Variants in JADE1 observed in about 807,000 individuals in gnomAD.
JADE1 encodes protein Jade-1.
Under a neutral mutation model 81.8 loss-of-function variants are expected in JADE1, and 14 were observed. The observed-to-expected ratio is 0.17, with a 90% confidence interval of 0.11 to 0.27. The LOEUF is 0.27. Among genes scored for constraint, JADE1 ranks in the 10% least tolerant of loss-of-function variants. JADE1 has a pLI of 1.00. For synonymous variants in JADE1, 353 were observed against 391.9 expected (o/e 0.90, Z 1.17); for missense variants, 690 against 1,047.9 (o/e 0.66, Z 4.71).
intron 1 of JADE1, among the ~76,000 whole-genome samples, chr4:128,817,909 C>G (rs1242603698): frequency 6.6e-6 from 1 of 152,252 alleles, no homozygotes; most frequent in East Asian, 1.9e-4. Flanking sequence ...AGTTAAAATG[C>G]CTGTTGAGAA....
rs1181752161 is a variant in JADE1 at position 128,873,058 on chromosome 4, C to T, written c.*796C>T. ...TCCACTTGACCTTCTTCTTCCCTAA[C>T]CACTGGCTCTTGAGCCAGCTTGGGA... is the stretch of plus-strand genomic sequence containing the variant. On this transcript the variant is annotated 3_prime_UTR_variant, in exon 11 of 11. Coordinates refer to ENST00000226319, the MANE Select transcript of JADE1 (RefSeq NM_199320.4). The T allele has an allele frequency of 2.7e-6, 1 of 365,096 alleles. No individual in the cohort carries two copies. The highest frequency in any genetic ancestry group is 5.6e-6 in the Non-Finnish European group (1 of 178,434). 22.6% of individuals were successfully genotyped at this position (365,096 alleles called of 1,614,324 possible).
intron 1 of JADE1, among the ~76,000 whole-genome samples, chr4:128,822,123 C>T (rs1017414196): frequency 5.9e-5 from 9 of 152,078 alleles, no homozygotes; most frequent in African/African-American, 2.2e-4. Context: ...GATGGTTGCT[C>T]GTTAGTTATA....
At chr4:128,841,118 C>T (rs1379342612) in intron 2 of JADE1, among the ~76,000 whole-genome samples, 1 of 152,232 alleles carries the variant, frequency 6.6e-6, no homozygotes, top group African/African-American at 2.4e-5. Flanking sequence ...TAAGAGCTTC[C>T]TGTCTGAGTG....
chr4:128,827,781 A>G (rs1728200862), intron 1 of JADE1: 1 of 677,574 alleles, frequency 1.5e-6, no homozygotes, highest in Non-Finnish European at 1.8e-6. Context: ...GCAAACCCAC[A>G]GGGCATATGG....
At chr4:128,864,732 C>A (rs1731656653) in intron 9 of JADE1, 1 of 381,960 alleles carries the variant, frequency 2.6e-6, no homozygotes. Context: ...ACAATCAAGG[C>A]ATATGATCAT....
Position 128,861,857 on chromosome 4 carries a change from G to A in JADE1, c.1135G>A (p.Gly379Ser), listed in dbSNP as rs947240474. The change falls in exon 9 of 11, where the codon GGC becomes AGC. Residue 379 changes from glycine (G) to serine (S), a missense_variant. Gly to Ser is a moderately conservative substitution (Grantham distance 56, BLOSUM62 0). This residue lies in a region of JADE1 where 77 missense variants were observed against 76.4 expected (regional missense o/e 1.01). Transcript: ENST00000226319. ...ACATAGGAAACCCGAGGAGAGTCTT[G>A]GCAAGGGGGCTGCACAGGAGAATGG... ...SSHRKPEESL[G>S]KGAAQENGAP... 1.7e-5 allele frequency: 27 copies of A among 1,614,054 alleles called. No individual in the cohort carries two copies. Among genetic ancestry groups the A allele is most frequent in the Non-Finnish European group, 2.2e-5 (26 of 1,180,026 alleles).
chr4:128,868,654 CCTCT>C lies in JADE1; in HGVS notation c.1621+684_1621+687del, dbSNP rs960377401. Among the ~76,000 whole-genome samples the C allele has an allele frequency of 5.3e-5, 8 of 152,186 alleles. 1 individual carries two copies. The highest frequency in any genetic ancestry group is 5.2e-4 in the Admixed American group (8 of 15,284). ...AGATCAAGTTGGGCAGGTTGTTTAA[CCTCT>C]CTGAGATTCCGTTGATCTTAAAGTT... On this transcript the variant is annotated intron_variant, in intron 10 of 10. Transcript: ENST00000226319.
intron 8 of JADE1, 50 bp from the exon 9 acceptor site, chr4:128,861,654 T>C (rs1731341395): frequency 1.3e-6 from 2 of 1,580,608 alleles, no homozygotes; most frequent in Non-Finnish European, 1.7e-6. Context: ...CCTTCTGCCA[T>C]CATTGCTCTA....
At chr4:128,814,530 A>G (rs1391588942) in intron 1 of JADE1, among the ~76,000 whole-genome samples, 1 of 151,920 alleles carries the variant, frequency 6.6e-6, no homozygotes, top group Admixed American at 6.6e-5. Flanking sequence ...TTTAATAAAA[A>G]TGAGATACAT....
chr4:128,841,339 C>T (rs189031729), intron 2 of JADE1, among the ~76,000 whole-genome samples: 110 of 152,180 alleles, frequency 7.2e-4, no homozygotes, highest in African/African-American at 2.5e-3. Context: ...GGCAGCAGTA[C>T]GGCACCCACA....
At chr4:128,855,947 G>A (rs2125876764) in intron 7 of JADE1, 150 bp downstream of exon 7, 5 of 582,864 alleles carry the variant, frequency 8.6e-6, no homozygotes, top group South Asian at 3.3e-5. Flanking sequence ...AGCCTTTTGA[G>A]TAGCTGAGAT....
chr4:128,847,853 G>A (rs1238441803), intron 4 of JADE1, among the ~76,000 whole-genome samples: 1 of 152,214 alleles, frequency 6.6e-6, no homozygotes, highest in East Asian at 1.9e-4. Context: ...CAGACTCTGG[G>A]CAGCCTGTTG....
intron 8 of JADE1, among the ~76,000 whole-genome samples, chr4:128,857,889 C>G (rs1403177621): frequency 6.6e-6 from 1 of 152,196 alleles, no homozygotes; most frequent in African/African-American, 2.4e-5. Flanking sequence ...TGGCGGCCTC[C>G]TGAGATTGCA....
rs550376697 is a variant in JADE1, at chr4:128,826,537, T to G, written c.-26-5196T>G. Among the ~76,000 whole-genome samples the G allele has an allele frequency of 2.5e-3, 382 of 151,612 alleles. 1 individual carries two copies. Among genetic ancestry groups the G allele is most frequent in the African/African-American group, 8.9e-3 (370 of 41,382 alleles). ...CACGCCTGGCTAATTTTTGTGTTTT[T>G]TTTTTTTTTTTCAGTAGAGACGGGG... On this transcript the variant is annotated intron_variant, in intron 1 of 10. Transcript: ENST00000226319.
chr4:128,871,938 C>A lies in JADE1; in HGVS notation c.2205C>A (p.Val735=). 1.9e-6 allele frequency: 3 copies of A among 1,613,956 alleles called. No individual in the cohort carries two copies. The highest frequency in any genetic ancestry group is 2.5e-6 in the Non-Finnish European group (3 of 1,179,966). ...AAGTAAACTATAATCAGACTGCAGTCAAAGTGCCTACAACACCTGCCAGCC... is the reference window on the plus strand; with the variant it reads ...AAGTAAACTATAATCAGACTGCAGTAAAAGTGCCTACAACACCTGCCAGCC... The part of the protein sequence containing the change: ...LIKVNYNQTA[V]KVPTTPASPV... Residue 735 remains valine (V), a synonymous_variant, in exon 11 of 11, where the codon GTC becomes GTA. Transcript: ENST00000226319. The surrounding 1 kb of genome is among the most constrained non-coding windows in gnomAD (Gnocchi z 4.1).
chr4:128,859,392 TGC>T (rs1731097496), intron 8 of JADE1, among the ~76,000 whole-genome samples: 1 of 152,150 alleles, frequency 6.6e-6, no homozygotes, highest in African/African-American at 2.4e-5. Flanking sequence ...TGAGTATGCA[TGC>T]GTGAGTGCGT....
At chr4:128,865,157 G>A (rs958379748) in intron 9 of JADE1, among the ~76,000 whole-genome samples, 3 of 152,252 alleles carry the variant, frequency 2.0e-5, no homozygotes, top group Admixed American at 6.5e-5. Context: ...AGTGGCTACA[G>A]TGTCCCCTGA....
At chr4:128,811,048 C>G (rs1726305437) in intron 1 of JADE1, among the ~76,000 whole-genome samples, 1 of 152,184 alleles carries the variant, frequency 6.6e-6, no homozygotes. Flanking sequence ...GTGCACGTGT[C>G]TTGTGCCTGT....
At chr4:128,860,733 A>G (rs915915978) in intron 8 of JADE1, among the ~76,000 whole-genome samples, 5 of 152,158 alleles carry the variant, frequency 3.3e-5, no homozygotes, top group Non-Finnish European at 7.4e-5. Context: ...AAGGCACTAA[A>G]TTGTGGCCCT....
Sources: gnomAD v4.1 joint callset for allele counts (sites outside exome capture counted in the v4.1 genomes callset) on GRCh38, gnomAD v4.1.1 for gene constraint, gnomAD v4.1.1 regional missense constraint, Gnocchi (gnomAD v3.1) non-coding constraint, MANE v1.5 for transcripts, NCBI Gene and HGNC (gene_info 2026-07-23, HGNC 2026-07-21) for gene names.